SETBP1: variants seen among roughly 807,000 people sequenced by gnomAD.
The protein encoded by SETBP1 is SET binding protein 1, also known as SET-binding protein.
SETBP1 carries 9 observed loss-of-function variants against 101.0 expected under a neutral mutation model. The observed-to-expected ratio is 0.09, with a 90% CI of 0.05 to 0.16. SETBP1 has a LOEUF of 0.16. SETBP1 is among the 10% of genes least tolerant of loss of function. SETBP1 has a pLI of 1.00. For synonymous variants in SETBP1, 818 were observed against 788.5 expected (o/e 1.04, Z -0.63); for missense variants, 1,858 against 2,033.8 (o/e 0.91, Z 1.66).
chr18:45,002,204 A>G (rs1430986958), intron 4 of SETBP1, among the ~76,000 whole-genome samples: 2 of 152,084 alleles, frequency 1.3e-5, no homozygotes, highest in Non-Finnish European at 2.9e-5. Flanking sequence ...CATTTCAAAA[A>G]TTCACCCTAG....
intron 2 of SETBP1, among the ~76,000 whole-genome samples, chr18:44,737,381 A>G (rs1396025220): frequency 1.3e-5 from 2 of 152,124 alleles, no homozygotes; most frequent in African/African-American, 4.8e-5. Context: ...TGGGGAGAGG[A>G]CTGGTTTCTC....
chr18:44,941,079 T>A (rs960419581), intron 3 of SETBP1, among the ~76,000 whole-genome samples: 671 of 41,724 alleles, frequency 0.016, 7 homozygotes, highest in African/African-American at 0.042. Flanking sequence ...AAGTCAGACT[T>A]TTTTTTTTTT....
chr18:45,029,482 C>CTTGGCGATGCAAGCTCTTT (rs1345287283), intron 4 of SETBP1, among the ~76,000 whole-genome samples: 1 of 152,178 alleles, frequency 6.6e-6, no homozygotes, highest in Non-Finnish European at 1.5e-5. Flanking sequence ...TTAGGATTGA[C>CTTGGCGATGCAAGCTCTTT]TTGGCGATGC....
chr18:44,710,722 T>C (rs2069320388), intron 2 of SETBP1, among the ~76,000 whole-genome samples: 1 of 152,130 alleles, frequency 6.6e-6, no homozygotes, highest in Non-Finnish European at 1.5e-5. Flanking sequence ...AGTACTGGGA[T>C]TACAGGAGTG....
intron 2 of SETBP1, among the ~76,000 whole-genome samples, chr18:44,851,656 C>T (rs762347021): frequency 6.9e-4 from 105 of 152,316 alleles, no homozygotes; most frequent in Non-Finnish European, 1.0e-3. Flanking sequence ...AAGTGCCAGC[C>T]AGGCACATAA....
At chr18:45,026,830 G>A (rs562953418) in intron 4 of SETBP1, among the ~76,000 whole-genome samples, 9 of 152,260 alleles carry the variant, frequency 5.9e-5, no homozygotes, top group East Asian at 5.8e-4. Context: ...GTGTACACAC[G>A]TGTGTATGTG....
chr18:44,713,431 C>T (rs2069390001), intron 2 of SETBP1, among the ~76,000 whole-genome samples: 1 of 152,116 alleles, frequency 6.6e-6, no homozygotes, highest in African/African-American at 2.4e-5. Context: ...CTAGATATTT[C>T]CAGTTCCTGA....
At chr18:45,017,754 A>G (rs1331354010) in intron 4 of SETBP1, among the ~76,000 whole-genome samples, 1 of 152,234 alleles carries the variant, frequency 6.6e-6, no homozygotes, top group Non-Finnish European at 1.5e-5. Flanking sequence ...CTTGTCTTCG[A>G]ATTACTCTCA....
intron 2 of SETBP1, among the ~76,000 whole-genome samples, chr18:44,752,180 G>A (rs1349670183): frequency 6.6e-6 from 1 of 152,146 alleles, no homozygotes; most frequent in African/African-American, 2.4e-5. Flanking sequence ...TTGTATATTT[G>A]ATTTTTATGT....
At chr18:44,902,519 C>T (rs1373622662) in intron 3 of SETBP1, among the ~76,000 whole-genome samples, 4 of 151,872 alleles carry the variant, frequency 2.6e-5, no homozygotes. Flanking sequence ...ACCAGGCCCT[C>T]CCCAAATCAT....
At chr18:44,888,017 T>G (rs1026586396) in intron 3 of SETBP1, among the ~76,000 whole-genome samples, 1 of 152,060 alleles carries the variant, frequency 6.6e-6, no homozygotes, top group Non-Finnish European at 1.5e-5. Flanking sequence ...AAGAAAATCA[T>G]TTTCTGGGAT....
intron 2 of SETBP1, among the ~76,000 whole-genome samples, chr18:44,841,678 T>G (rs1457876070): frequency 6.6e-6 from 1 of 152,130 alleles, no homozygotes; most frequent in Admixed American, 6.5e-5. Flanking sequence ...ATATTTAAGA[T>G]CCCATCAATT....
At chr18:44,682,621 C>G (rs2068777110) in intron 1 of SETBP1, among the ~76,000 whole-genome samples, 2 of 152,148 alleles carry the variant, frequency 1.3e-5, no homozygotes, top group Non-Finnish European at 2.9e-5. Flanking sequence ...GTCTCATTGC[C>G]TGTTCCCAGA....
chr18:45,028,462 A>T (rs1381061451), intron 4 of SETBP1, among the ~76,000 whole-genome samples: 1 of 152,060 alleles, frequency 6.6e-6, no homozygotes, highest in Non-Finnish European at 1.5e-5. Flanking sequence ...ATAGTGCCGC[A>T]ATAAACATAT....
chr18:44,755,222 C>T (rs2070465337), intron 2 of SETBP1, among the ~76,000 whole-genome samples: 1 of 152,200 alleles, frequency 6.6e-6, no homozygotes, highest in African/African-American at 2.4e-5. Context: ...AAAAGTTTTA[C>T]AGATGCTTGT....
At chr18:45,012,241 C>T (rs2072854117) in intron 4 of SETBP1, among the ~76,000 whole-genome samples, 1 of 152,140 alleles carries the variant, frequency 6.6e-6, no homozygotes, top group Non-Finnish European at 1.5e-5. Context: ...GGGGGAAGAA[C>T]TAGGTCAATC....
At chr18:44,995,740 T>C (rs982724361) in intron 4 of SETBP1, among the ~76,000 whole-genome samples, 1 of 152,102 alleles carries the variant, frequency 6.6e-6, no homozygotes, top group Non-Finnish European at 1.5e-5. Flanking sequence ...CATCCTCACA[T>C]GGTGGAAGGT....
chr18:44,711,698 C>G (rs965900987), intron 2 of SETBP1, among the ~76,000 whole-genome samples: 5 of 113,882 alleles, frequency 4.4e-5, no homozygotes, highest in Non-Finnish European at 6.8e-5. Context: ...GCTGATTTAT[C>G]TTTAAATTTT....
At chr18:44,872,631 C>T (rs2069304736) in intron 3 of SETBP1, among the ~76,000 whole-genome samples, 2 of 152,272 alleles carry the variant, frequency 1.3e-5, no homozygotes, top group African/African-American at 4.8e-5. Flanking sequence ...ATGCAAAGAG[C>T]ATTCAAGGCT....
Sources: gnomAD v4.1 joint callset for allele counts (sites outside exome capture counted in the v4.1 genomes callset) on GRCh38, gnomAD v4.1.1 for gene constraint, MANE v1.5 for transcripts, NCBI Gene and HGNC (gene_info 2026-07-23, HGNC 2026-07-21) for gene names.